The following CALCR variants were observed in gnomAD, a reference collection of about 807,000 sequenced individuals.
CALCR encodes the protein calcitonin receptor.
In CALCR, 47 loss-of-function variants were observed where a neutral mutation model predicts 59.5. The observed-to-expected ratio is 0.79, with a 90% CI of 0.63 to 1.01. CALCR has a LOEUF of 1.01. Among genes scored for constraint, CALCR ranks in the 50% least tolerant of loss-of-function variants. The pLI is 0.00. For synonymous variants in CALCR, 213 were observed against 211.3 expected, an observed-to-expected ratio of 1.01 and a Z score of -0.07; for missense variants, 566 against 597.1, an observed-to-expected ratio of 0.95 and a Z score of 0.54.
chr7:93,461,930 G>A (rs561863326), intron 7 of CALCR: 42 of 631,302 alleles, frequency 6.7e-5, no homozygotes, highest in South Asian at 3.2e-4. Context: ...ATGTGAGAGC[G>A]TAAAACATGC....
chr7:93,515,454 G>A (rs150628749), intron 2 of CALCR, among the ~76,000 whole-genome samples: 9 of 152,074 alleles, frequency 5.9e-5, no homozygotes, highest in Admixed American at 5.9e-4. Flanking sequence ...GATTAGTAAT[G>A]ATTAATGGCA....
At chr7:93,543,237 C>A (rs1472036055) in intron 2 of CALCR, among the ~76,000 whole-genome samples, 3 of 152,134 alleles carry the variant, frequency 2.0e-5, no homozygotes, top group African/African-American at 7.2e-5. Flanking sequence ...CTCCACCTCT[C>A]AGGTTCAAGT....
chr7:93,433,909 C>T (rs565427410), intron 13 of CALCR, among the ~76,000 whole-genome samples: 6 of 152,332 alleles, frequency 3.9e-5, no homozygotes, highest in South Asian at 2.1e-4. Context: ...TGGAGATTGT[C>T]TCTGCCCTAG....
chr7:93,458,937 T>G (rs969245257), intron 8 of CALCR, among the ~76,000 whole-genome samples: 4 of 152,166 alleles, frequency 2.6e-5, no homozygotes, highest in African/African-American at 9.7e-5. Flanking sequence ...TTTGAATCAT[T>G]CAATTAAAGT....
At chr7:93,481,968 T>A (rs1800807342) in intron 3 of CALCR, among the ~76,000 whole-genome samples, 1 of 151,854 alleles carries the variant, frequency 6.6e-6, no homozygotes. Context: ...CAGTGCTGAA[T>A]AAAATAAGTG....
intron 2 of CALCR, among the ~76,000 whole-genome samples, chr7:93,508,530 C>T (rs1280800735): frequency 1.3e-5 from 2 of 152,070 alleles, no homozygotes; most frequent in Admixed American, 6.6e-5. Context: ...TTGTTGAACT[C>T]TCATGTAGCA....
intron 3 of CALCR, among the ~76,000 whole-genome samples, 175 bp from the exon 4 acceptor site, chr7:93,479,682 T>C (rs922501478): frequency 2.0e-5 from 3 of 151,894 alleles, no homozygotes; most frequent in Non-Finnish European, 4.4e-5. Context: ...TCACATTTCA[T>C]CTACAAATTC....
At chr7:93,498,819 G>C (rs764955891) in intron 2 of CALCR, among the ~76,000 whole-genome samples, 51 of 151,548 alleles carry the variant, frequency 3.4e-4, no homozygotes, top group South Asian at 2.1e-4. Flanking sequence ...TTATCAGAAG[G>C]GTCTTCTATT....
intron 7 of CALCR, chr7:93,462,021 C>T: frequency 4.3e-6 from 5 of 1,150,074 alleles, no homozygotes; most frequent in Non-Finnish European, 6.2e-6. Context: ...AAAGGAAATT[C>T]TGGGGAAAGA....
intron 6 of CALCR, 30 bp downstream of exon 6, chr7:93,472,345 C>T (rs752584673): frequency 8.0e-7 from 1 of 1,245,458 alleles, no homozygotes; most frequent in Non-Finnish European, 1.2e-6. Context: ...GACATTCTCA[C>T]TCAATACTGA....
Position 93,501,230 on chromosome 7 carries a change from T to C in CALCR, c.-26-14223A>G, listed in dbSNP as rs572855422. 4.4e-4 allele frequency among the ~76,000 whole-genome samples: 67 copies of C among 152,210 alleles called. 1 individual carries two copies. In the South Asian group the frequency reaches 0.013, roughly 31 times the overall value. ...ACGAACTTTATCTAAAATGATGATG[T>C]TAAAGTCAATTTCAATGTGCAATTT... On this transcript the variant is annotated intron_variant, in intron 2 of 13. Transcript: ENST00000426151.
At chr7:93,572,111 T>C (rs1790017455) in intron 2 of CALCR, among the ~76,000 whole-genome samples, 1 of 152,172 alleles carries the variant, frequency 6.6e-6, no homozygotes, top group Non-Finnish European at 1.5e-5. Context: ...TAAAAAATGT[T>C]TTTCCGAGAA....
chr7:93,567,248 T>C (rs1278234711), intron 2 of CALCR, among the ~76,000 whole-genome samples: 1 of 152,220 alleles, frequency 6.6e-6, no homozygotes, highest in Non-Finnish European at 1.5e-5. Flanking sequence ...AAACAGCTAG[T>C]TGATAACTTA....
chr7:93,541,465 A>G (rs911591138), intron 2 of CALCR, among the ~76,000 whole-genome samples: 1 of 152,096 alleles, frequency 6.6e-6, no homozygotes, highest in Non-Finnish European at 1.5e-5. Context: ...CCCGGCCTTT[A>G]TCTTTATGGT....
chr7:93,440,255 C>A (rs1799871915), intron 9 of CALCR, among the ~76,000 whole-genome samples: 2 of 152,052 alleles, frequency 1.3e-5, no homozygotes, highest in African/African-American at 4.8e-5. Flanking sequence ...ACCTATCATA[C>A]TGTCTTCATG....
At chr7:93,564,502 G>A (rs1789815430) in intron 2 of CALCR, among the ~76,000 whole-genome samples, 1 of 152,094 alleles carries the variant, frequency 6.6e-6, no homozygotes, top group Non-Finnish European at 1.5e-5. Context: ...GCCCAGGATG[G>A]AGTGCAATGG....
At position 93,574,274 on chromosome 7, in the gene CALCR, C is replaced by T. The variant is rs982187404; in HGVS notation, c.-27+15G>A. 6.6e-6 allele frequency: 1 copy of T among 152,386 alleles called. No homozygotes were observed. Among genetic ancestry groups the T allele is most frequent in the African/African-American group, 2.4e-5 (1 of 41,468 alleles). 9.4% of individuals were successfully genotyped at this position (152,386 alleles called of 1,614,324 possible). A position where few individuals can be genotyped will look rare whatever the true frequency, so the allele number is the denominator to read the frequency against. ...CCAAATCGTTAAGTCCCGCTCATTT[C>T]CAAACGCTCCTTACCTGGAATTCTG... On this transcript the variant is annotated intron_variant, in intron 2 of 13. Coordinates refer to ENST00000426151, the MANE Select transcript of CALCR (RefSeq NM_001742.4).
intron 2 of CALCR, among the ~76,000 whole-genome samples, chr7:93,559,132 A>T (rs909560319): frequency 5.3e-5 from 8 of 152,144 alleles, no homozygotes; most frequent in African/African-American, 1.9e-4. Flanking sequence ...AGTTTGAAAA[A>T]TTATTTGAGA....
intron 2 of CALCR, among the ~76,000 whole-genome samples, chr7:93,530,657 C>G (rs911264885): frequency 1.3e-5 from 2 of 152,074 alleles, no homozygotes; most frequent in Admixed American, 6.6e-5. Flanking sequence ...AGGAGAGCAG[C>G]ATTATCCATG....
Sources: gnomAD v4.1 joint callset for allele counts (sites outside exome capture counted in the v4.1 genomes callset) on GRCh38, gnomAD v4.1.1 for gene constraint, MANE v1.5 for transcripts, NCBI Gene and HGNC (gene_info 2026-07-23, HGNC 2026-07-21) for gene names.